Variants in CAPN6 observed in about 807,000 individuals in gnomAD.
CAPN6 encodes the protein calpain 6, also known as calpain-6.
A neutral mutation model predicts 46.0 loss-of-function variants in CAPN6; 16 were observed. The ratio of observed to expected loss-of-function variants is 0.35; its 90% confidence interval spans 0.24 to 0.53. The LOEUF (loss-of-function observed/expected upper bound fraction) is 0.53, where lower values mean the gene tolerates loss of function less well. Ranked by LOEUF, CAPN6 falls within the 20% of genes least tolerant of loss-of-function variation. The probability of loss-of-function intolerance (pLI) is 0.94; values close to 1 mark genes in which losing one functional copy is unlikely to be tolerated. For synonymous variants in CAPN6, 206 were observed against 172.8 expected (o/e 1.19, Z -1.51); for missense variants, 461 against 498.0 (o/e 0.93, Z 0.71).
At chrX:111,251,383 G>A (rs1461470710) in intron 6 of CAPN6, 97 bp from the exon 7 acceptor site, 26 of 955,701 alleles carry the variant, frequency 2.7e-5, no homozygotes, top group Non-Finnish European at 3.5e-5. Context: ...AGTGCATGAG[G>A]ATCAGTCCTG....
chrX:111,251,539 T>G lies in CAPN6; in HGVS notation c.893+10A>C, dbSNP rs369915901. The G allele has an allele frequency of 8.4e-7, 1 of 1,189,344 alleles. No individual in the cohort carries two copies. The highest frequency in any genetic ancestry group is 2.2e-5 in the Admixed American group (1 of 45,495). ...TGGAGATGTAGCTGTGAAAGTGGAATGCAACTCACATTTCACTCCAGGGGC... is the reference window on the plus strand; with the variant it reads ...TGGAGATGTAGCTGTGAAAGTGGAAGGCAACTCACATTTCACTCCAGGGGC... On this transcript the variant is annotated intron_variant, in intron 6 of 12. Transcript: ENST00000324068.
intron 6 of CAPN6, 65 bp from the exon 7 acceptor site, chrX:111,251,351 A>T: frequency 9.4e-7 from 1 of 1,066,700 alleles, no homozygotes; most frequent in Non-Finnish European, 1.3e-6. Context: ...TTCTTGTAGT[A>T]AGTAGGATGC....
chrX:111,261,727 G>C (rs1021793809), intron 2 of CAPN6, among the ~76,000 whole-genome samples: 5 of 112,127 alleles, frequency 4.5e-5, no homozygotes, highest in African/African-American at 1.6e-4. Context: ...AGGAAACACT[G>C]TCTGCTTGGT....
intron 1 of CAPN6, 39 bp downstream of exon 1, chrX:111,270,332 A>G (rs1264782092): frequency 6.7e-6 from 2 of 300,484 alleles, no homozygotes; most frequent in Non-Finnish European, 1.3e-5. Flanking sequence ...CCAGGAAATA[A>G]AACTCCAGGG....
intron 8 of CAPN6, 47 bp from the exon 9 acceptor site, chrX:111,249,104 A>G (rs1489115607): frequency 3.4e-6 from 4 of 1,176,493 alleles, no homozygotes; most frequent in Admixed American, 4.5e-5. Flanking sequence ...TTCCCATTTC[A>G]TATGAACGAG....
intron 6 of CAPN6, 118 bp from the exon 7 acceptor site, chrX:111,251,404 TC>T: frequency 1.1e-6 from 1 of 929,852 alleles, no homozygotes; most frequent in Non-Finnish European, 1.5e-6. Flanking sequence ...CTTTATTTCA[TC>T]TGCGGCTGGG....
chrX:111,247,541 T>G, intron 11 of CAPN6, 37 bp from the exon 12 acceptor site: 1 of 1,172,858 alleles, frequency 8.5e-7, no homozygotes, highest in African/African-American at 1.8e-5. Flanking sequence ...ACACAGCAAT[T>G]AAAGTTCCTT....
At position 111,250,903 on chromosome X, in the gene CAPN6, T is replaced by C. The variant is rs1433173062; in HGVS notation, c.1158+14A>G. 1 of 1,202,013 alleles carries C rather than the reference T, an allele frequency of 8.3e-7. No homozygotes were observed. Among genetic ancestry groups the C allele is most frequent in the South Asian group, 1.8e-5 (1 of 56,063 alleles). ...CTGGATAACTTTGAGGCAAATAAAGTAATTGACTCAAACCTGGGGATTCTG... is the reference window on the plus strand; with the variant it reads ...CTGGATAACTTTGAGGCAAATAAAGCAATTGACTCAAACCTGGGGATTCTG... On this transcript the variant is annotated intron_variant, in intron 8 of 12. Transcript: ENST00000324068.
chrX:111,254,215 T>C, intron 3 of CAPN6, 57 bp downstream of exon 3: 1 of 1,103,912 alleles, frequency 9.1e-7, no homozygotes, highest in Non-Finnish European at 1.2e-6. Context: ...TTTCCTAAAG[T>C]TATTAAAGAA....
chrX:111,254,370 T>G lies in CAPN6; in HGVS notation c.199A>C (p.Asn67His). ...TGGGTCAGCTGGTGGTTGCTAATGT[T>G]GCCCACAATCAGATGGGGGTCATCA... ...ICDDPHLIVG[N>H]ISNHQLTQGR... The change falls in exon 3 of 13, where the codon AAC becomes CAC. Residue 67 changes from asparagine to histidine, a missense_variant. Asn to His is a moderately conservative substitution (Grantham distance 68, BLOSUM62 1). Coordinates refer to ENST00000324068, the MANE Select transcript of CAPN6 (RefSeq NM_014289.4). The G allele has an allele frequency of 8.3e-7, 1 of 1,210,067 alleles. No individual in the cohort carries two copies. The highest frequency in any genetic ancestry group is 1.1e-6 in the Non-Finnish European group (1 of 894,132).
In CAPN6 at chrX:111,254,386, G is replaced by C. The variant is rs767419445; in HGVS notation, c.183C>G (p.Pro61=). The C allele has an allele frequency of 1.0e-5, 12 of 1,205,059 alleles. No individual in the cohort carries two copies. The Admixed American group carries it at 2.0e-4, about 20-fold the overall frequency. Residue 61 remains proline (P), a synonymous_variant, in exon 3 of 13, where the codon CCC becomes CCG. Transcript: ENST00000324068. ...TGCTAATGTTGCCCACAATCAGATGGGGGTCATCACAGATGTCCTATGAAT... is the reference window on the plus strand; with the variant it reads ...TGCTAATGTTGCCCACAATCAGATGCGGGTCATCACAGATGTCCTATGAAT... ...WKRPQDICDD[P]HLIVGNISNH...
intron 2 of CAPN6, among the ~76,000 whole-genome samples, chrX:111,256,060 C>A (rs753211769): frequency 9.0e-6 from 1 of 111,472 alleles, no homozygotes; most frequent in Non-Finnish European, 1.9e-5. Flanking sequence ...TTTTCCTCCC[C>A]AGGTCAGGTG....
chrX:111,252,720 G>A (rs2094980696), intron 4 of CAPN6, among the ~76,000 whole-genome samples: 1 of 112,047 alleles, frequency 8.9e-6, no homozygotes, highest in Non-Finnish European at 1.9e-5. Flanking sequence ...GGGGAGATAT[G>A]AGATAAAGAA....
At chrX:111,269,880 G>C (rs1229347187) in intron 1 of CAPN6, among the ~76,000 whole-genome samples, 2 of 111,867 alleles carry the variant, frequency 1.8e-5, no homozygotes, top group Non-Finnish European at 3.8e-5. Context: ...CCTCCTACCA[G>C]AGTTCACAGG....
intron 4 of CAPN6, 81 bp downstream of exon 4, chrX:111,252,927 G>A: frequency 1.2e-6 from 1 of 842,274 alleles, no homozygotes; most frequent in Non-Finnish European, 1.7e-6. Context: ...GTTGGGCTGG[G>A]AGAGAATGAG....
chrX:111,253,339 AG>A, intron 3 of CAPN6, 123 bp from the exon 4 acceptor site: 1 of 545,367 alleles, frequency 1.8e-6, no homozygotes, highest in Non-Finnish European at 3.0e-6. Flanking sequence ...ACCTGGTTTG[AG>A]TCTGGATTGG....
At position 111,247,996 on chromosome X, in the gene CAPN6, G is replaced by T; in HGVS notation, c.1485-4C>A. 8.3e-7 allele frequency: 1 copy of T among 1,205,293 alleles called. No homozygotes were observed. Among genetic ancestry groups the T allele is most frequent in the Non-Finnish European group, 1.1e-6 (1 of 891,447 alleles). ...GGGCATGTCCAGAGTCAGTTCCCTAGAACATCAAAAATAAAATATTGTCAT... is the reference window on the plus strand; with the variant it reads ...GGGCATGTCCAGAGTCAGTTCCCTATAACATCAAAAATAAAATATTGTCAT... On this transcript the variant is annotated splice_polypyrimidine_tract_variant and splice_region_variant and intron_variant, in intron 10 of 12. Transcript: ENST00000324068.
intron 12 of CAPN6, 68 bp from the exon 13 acceptor site, chrX:111,246,827 T>C: frequency 1.1e-6 from 1 of 909,970 alleles, no homozygotes; most frequent in Non-Finnish European, 1.5e-6. Context: ...CCCAGTGACA[T>C]CCAGATCTAA....
chrX:111,256,929 T>A (rs2094984340), intron 2 of CAPN6, among the ~76,000 whole-genome samples: 1 of 108,327 alleles, frequency 9.2e-6, no homozygotes, highest in Non-Finnish European at 1.9e-5. Flanking sequence ...ACGTGATGGC[T>A]ATTTAACAAT....
Sources: gnomAD v4.1 joint callset for allele counts (sites outside exome capture counted in the v4.1 genomes callset) on GRCh38, gnomAD v4.1.1 for gene constraint, MANE v1.5 for transcripts, NCBI Gene and HGNC (gene_info 2026-07-23, HGNC 2026-07-21) for gene names.